The following MYLK4 variants were observed in gnomAD, a reference collection of about 807,000 sequenced individuals.
MYLK4 encodes the protein myosin light chain kinase family member 4.
Under a neutral mutation model 48.1 loss-of-function variants are expected in MYLK4, and 46 were observed. The ratio of observed to expected loss-of-function variants is 0.96; its 90% CI spans 0.75 to 1.22. The LOEUF is 1.22. Among genes scored for constraint, MYLK4 ranks in the 50% most tolerant of loss-of-function variants. MYLK4 has a pLI of 0.00. For missense variants in MYLK4, 451 were observed against 486.1 expected (o/e 0.93, Z 0.68); for synonymous variants, 170 against 180.8 (o/e 0.94, Z 0.48).
chr6:2,752,568 G>C (rs1197080268), upstream of MYLK4, among the ~76,000 whole-genome samples: 7 of 152,264 alleles, frequency 4.6e-5, no homozygotes, highest in East Asian at 1.4e-3. Context: ...CATTAACTGA[G>C]ATGGAGACGG....
intron 7 of MYLK4, among the ~76,000 whole-genome samples, chr6:2,681,187 C>A (rs1392676266): frequency 6.6e-6 from 1 of 152,192 alleles, no homozygotes; most frequent in Admixed American, 6.5e-5. Flanking sequence ...GCCAAATGCC[C>A]AGGATCCCGT....
intron 11 of MYLK4, among the ~76,000 whole-genome samples, chr6:2,674,031 A>T (rs1396845166): frequency 6.6e-6 from 1 of 152,152 alleles, no homozygotes; most frequent in Admixed American, 6.5e-5. Flanking sequence ...GGGAGATGAG[A>T]TTAGTTTAGG....
chr6:2,687,565 A>C (rs1404352427), intron 4 of MYLK4, among the ~76,000 whole-genome samples: 1 of 152,186 alleles, frequency 6.6e-6, no homozygotes, highest in Non-Finnish European at 1.5e-5. Context: ...CTTGCCACTG[A>C]TGTCCCTGAA....
At chr6:2,676,250 G>A (rs1455190312) in intron 10 of MYLK4, among the ~76,000 whole-genome samples, 1 of 152,182 alleles carries the variant, frequency 6.6e-6, no homozygotes, top group Non-Finnish European at 1.5e-5. Context: ...AAATATTTAA[G>A]TATAAGATTT....
At chr6:2,720,801 G>A (rs977567020) in intron 2 of MYLK4, among the ~76,000 whole-genome samples, 4 of 152,106 alleles carry the variant, frequency 2.6e-5, no homozygotes, top group East Asian at 3.9e-4. Flanking sequence ...AAAAAGACAG[G>A]AAACGTAAAG....
At position 2,678,261 on chromosome 6, in the gene MYLK4, C is replaced by T. The variant is rs1761155909; in HGVS notation, c.999G>A (p.Glu333=). 2 of 1,614,056 alleles carry T rather than the reference C, an allele frequency of 1.2e-6. No individual in the cohort carries two copies. The highest frequency in any genetic ancestry group is 1.7e-6 in the Non-Finnish European group (2 of 1,180,044). The change falls in exon 10 of 13, where the codon GAG becomes GAA. Residue 333 remains glutamate, a synonymous_variant. Coordinates refer to ENST00000274643, the MANE Select transcript of MYLK4 (RefSeq NM_001012418.5). ...EDEEFQDISE[E]AKEFISKLLI... ...GAAGCTTAGAGATGAACTCCTTGGC[C>T]TCCTCCGAGATGTCCTGAAATTCTT...
At chr6:2,677,765 G>A (rs1761132498) in intron 10 of MYLK4, among the ~76,000 whole-genome samples, 1 of 152,172 alleles carries the variant, frequency 6.6e-6, no homozygotes, top group South Asian at 2.1e-4. Context: ...CCCGATTTCT[G>A]CCTCATGGAG....
chr6:2,762,264 C>T, the MYLK4 span, among the ~76,000 whole-genome samples: 2 of 152,098 alleles, frequency 1.3e-5, no homozygotes, highest in African/African-American at 4.8e-5. Context: ...CTTTTGAAAA[C>T]CCTATTAACA....
chr6:2,725,588 AAAG>A (rs1194227697), intron 2 of MYLK4, among the ~76,000 whole-genome samples: 3 of 99,512 alleles, frequency 3.0e-5, no homozygotes, highest in Non-Finnish European at 6.4e-5. Context: ...AAAGAAAGAG[AAAG>A]AAAGAAAGAA....
chr6:2,720,371 T>G (rs1396311774), intron 2 of MYLK4, among the ~76,000 whole-genome samples: 3 of 149,682 alleles, frequency 2.0e-5, no homozygotes, highest in Non-Finnish European at 4.4e-5. Context: ...GCCACTACAC[T>G]CCAGCCTGGA....
intron 11 of MYLK4, among the ~76,000 whole-genome samples, chr6:2,671,783 A>G (rs1760906758): frequency 6.6e-6 from 1 of 152,236 alleles, no homozygotes; most frequent in Non-Finnish European, 1.5e-5. Context: ...CCACAAAGAG[A>G]TTCAAGAAGA....
At chr6:2,676,567 C>A (rs1761089769) in intron 10 of MYLK4, among the ~76,000 whole-genome samples, 1 of 152,076 alleles carries the variant, frequency 6.6e-6, no homozygotes, top group Non-Finnish European at 1.5e-5. Context: ...ATTTCTGTAC[C>A]CCAGAAATTT....
chr6:2,767,844 A>G, the MYLK4 span, among the ~76,000 whole-genome samples: 10 of 152,196 alleles, frequency 6.6e-5, no homozygotes, highest in African/African-American at 2.4e-4. Context: ...AAGCCTAGGC[A>G]TCTGTGACTT....
intron 2 of MYLK4, among the ~76,000 whole-genome samples, chr6:2,702,612 T>C (rs937776125): frequency 2.0e-5 from 3 of 152,188 alleles, no homozygotes; most frequent in African/African-American, 7.2e-5. Context: ...TAACATACTG[T>C]ACATATTTAA....
Position 2,672,731 on chromosome 6 carries a change from A to G in MYLK4, c.1120-1383T>C, listed in dbSNP as rs758390069. ...TGATTTTCAGTAACACTAAAACTGT[A>G]TGGTACAAGAAAGGCTCTGGAAGCA... On this transcript the variant is annotated intron_variant, in intron 11 of 12. Transcript: ENST00000274643. The surrounding 1 kb of genome is among the most constrained non-coding windows in gnomAD (Gnocchi z 4.3). Among the ~76,000 whole-genome samples, 1 of 152,230 alleles carries G rather than the reference A, an allele frequency of 6.6e-6. No homozygotes were observed. The highest frequency in any genetic ancestry group is 2.4e-5 in the African/African-American group (1 of 41,456).
At chr6:2,680,422 T>C in intron 7 of MYLK4, 131 bp from the exon 8 acceptor site, 1 of 1,530,922 alleles carries the variant, frequency 6.5e-7, no homozygotes, top group Non-Finnish European at 8.7e-7. Flanking sequence ...GGCGGGCTTG[T>C]CCGTGTGGGT....
upstream of MYLK4, among the ~76,000 whole-genome samples, chr6:2,754,085 T>C (rs1764363639): frequency 6.6e-6 from 1 of 151,670 alleles, no homozygotes; most frequent in South Asian, 2.1e-4. Flanking sequence ...TTGATGGGAA[T>C]ATAAAATGAT....
At chr6:2,768,983 A>G in the MYLK4 span, 6 of 1,223,710 alleles carry the variant, frequency 4.9e-6, no homozygotes, top group South Asian at 3.3e-5. Flanking sequence ...AGCTTTGTTT[A>G]CAAAGAAGCG....
intron 2 of MYLK4, among the ~76,000 whole-genome samples, chr6:2,700,129 C>T (rs979084887): frequency 1.3e-5 from 2 of 152,142 alleles, no homozygotes; most frequent in African/African-American, 2.4e-5. Flanking sequence ...CCTGTCCTCC[C>T]CACAGAGAAA....
Sources: allele counts gnomAD v4.1 joint callset (sites outside exome capture counted in the v4.1 genomes callset), GRCh38; gene constraint gnomAD v4.1.1; non-coding constraint Gnocchi (gnomAD v3.1); transcripts MANE v1.5; gene names NCBI Gene and HGNC (gene_info 2026-07-23, HGNC 2026-07-21).